The following GOLM2 variants were observed in gnomAD, a reference collection of about 807,000 sequenced individuals.
GOLM2 encodes the protein golgi membrane protein 2.
GOLM2 carries 26 observed loss-of-function variants against 55.9 expected under a neutral mutation model. The observed-to-expected ratio is 0.47, with a 90% CI of 0.34 to 0.65. GOLM2 has a LOEUF of 0.65. Among genes scored for constraint, GOLM2 ranks in the 30% least tolerant of loss-of-function variants. GOLM2 has a pLI of 0.01. For missense variants in GOLM2, 486 were observed against 531.8 expected (o/e 0.91, Z 0.85); for synonymous variants, 165 against 194.6 (o/e 0.85, Z 1.27).
At chr15:44,329,069 T>G (rs908890590) in intron 3 of GOLM2, among the ~76,000 whole-genome samples, 6 of 152,196 alleles carry the variant, frequency 3.9e-5, no homozygotes, top group Non-Finnish European at 5.9e-5. Flanking sequence ...GCTCTGAGTT[T>G]TATTAGATGT....
intron 1 of GOLM2, among the ~76,000 whole-genome samples, chr15:44,316,788 C>T (rs1411018167): frequency 6.6e-6 from 1 of 151,672 alleles, no homozygotes; most frequent in Non-Finnish European, 1.5e-5. Context: ...GCTAAAAGAC[C>T]AGACTGGGCA....
chr15:44,373,224 G>A (rs533990394), intron 6 of GOLM2, among the ~76,000 whole-genome samples: 1 of 152,132 alleles, frequency 6.6e-6, no homozygotes, highest in East Asian at 1.9e-4. Flanking sequence ...TTGGGAGGCC[G>A]AGGCGGGCGA....
intron 6 of GOLM2, among the ~76,000 whole-genome samples, chr15:44,374,257 C>A (rs896540211): frequency 6.6e-6 from 1 of 152,040 alleles, no homozygotes; most frequent in African/African-American, 2.4e-5. Context: ...GTGATAAATA[C>A]ATTTTATTAT....
chr15:44,378,978 C>T (rs1029355130), intron 6 of GOLM2, among the ~76,000 whole-genome samples: 2 of 152,116 alleles, frequency 1.3e-5, no homozygotes, highest in Non-Finnish European at 2.9e-5. Flanking sequence ...AACTCCTGAC[C>T]TTGTGATCTG....
chr15:44,332,472 G>A (rs967456508), intron 4 of GOLM2, among the ~76,000 whole-genome samples: 4 of 151,572 alleles, frequency 2.6e-5, no homozygotes, highest in Admixed American at 6.6e-5. Flanking sequence ...CAGGAGAACC[G>A]CTTGAGCCTG....
At chr15:44,373,205 C>T (rs1457070426) in intron 6 of GOLM2, among the ~76,000 whole-genome samples, 1 of 152,156 alleles carries the variant, frequency 6.6e-6, no homozygotes, top group Non-Finnish European at 1.5e-5. Context: ...CGCCTGTAAT[C>T]CCAGCACTTT....
At chr15:44,328,901 T>A (rs1266821009) in intron 3 of GOLM2, 114 bp downstream of exon 3, 1 of 622,538 alleles carries the variant, frequency 1.6e-6, no homozygotes, top group African/African-American at 1.9e-5. Context: ...CTTCTTTCAT[T>A]TTGTTAAGCC....
At chr15:44,373,426 C>T (rs914686944) in intron 6 of GOLM2, among the ~76,000 whole-genome samples, 12 of 150,516 alleles carry the variant, frequency 8.0e-5, no homozygotes, top group African/African-American at 2.9e-4. Context: ...CACTGCACTC[C>T]AGCCTGGGCG....
rs181940940 is a variant in GOLM2 at position 44,366,095 on chromosome 15, C to T, written c.803-13595C>T. Reference sequence around the variant, plus strand: ...GGTGGATCACGAGGTCAGGAGATCGCGACCACCCTGGCTAACACAGTGAAA... The same window carrying T: ...GGTGGATCACGAGGTCAGGAGATCGTGACCACCCTGGCTAACACAGTGAAA... On this transcript the variant is annotated intron_variant, in intron 6 of 9. Transcript: ENST00000299957. 3.0e-3 allele frequency among the ~76,000 whole-genome samples: 458 copies of T among 151,684 alleles called. 9 individuals carry two copies. Among genetic ancestry groups the T allele is most frequent in the Admixed American group, 0.024 (361 of 15,216 alleles).
intron 6 of GOLM2, among the ~76,000 whole-genome samples, chr15:44,361,295 G>A (rs988683912): frequency 1.3e-5 from 2 of 152,062 alleles, no homozygotes; most frequent in Admixed American, 6.6e-5. Flanking sequence ...AAGCTAGACC[G>A]CTAGCAAGAC....
At chr15:44,335,579 C>T (rs1685696121) in intron 4 of GOLM2, among the ~76,000 whole-genome samples, 1 of 152,156 alleles carries the variant, frequency 6.6e-6, no homozygotes, top group African/African-American at 2.4e-5. Flanking sequence ...AGTGAAGATG[C>T]ACAGACATGC....
chr15:44,289,174 C>G lies in GOLM2; in HGVS notation c.145C>G (p.Leu49Val), dbSNP rs2141099918. 2 of 1,614,206 alleles carry G rather than the reference C, an allele frequency of 1.2e-6. No individual in the cohort carries two copies. The highest frequency in any genetic ancestry group is 1.7e-6 in the Non-Finnish European group (2 of 1,180,028). ...CCTGCTTCAGGAGGAGGTGGCCGAG[C>G]TGCAGGGCCAGGTCCAGCGCACCGA... Reference protein sequence around the residue: ...HVLLQEEVAELQGQVQRTEVA... With the variant: ...HVLLQEEVAEVQGQVQRTEVA... Residue 49 changes from leucine (L) to valine (V), a missense_variant, in exon 1 of 10, where the codon CTG becomes GTG. Physicochemically the swap from Leu to Val is conservative, Grantham distance 32 (BLOSUM62 1). Coordinates refer to ENST00000299957, the MANE Select transcript of GOLM2 (RefSeq NM_138423.4). This position sits in a 1 kb window ranked among gnomAD's most constrained non-coding sequence, Gnocchi z 4.8.
chr15:44,395,287 C>T (rs1595665880), intron 8 of GOLM2, among the ~76,000 whole-genome samples: 2 of 151,450 alleles, frequency 1.3e-5, no homozygotes, highest in East Asian at 3.9e-4. Flanking sequence ...GTATTACAAG[C>T]GTGAGCCACT....
chr15:44,322,821 AT>A (rs1165507334), intron 1 of GOLM2, 143 bp from the exon 2 acceptor site: 20 of 506,960 alleles, frequency 3.9e-5, no homozygotes, highest in South Asian at 9.0e-5. Context: ...ATTATTGCTG[AT>A]TTTTTTTGGA....
chr15:44,300,277 G>T (rs1301496428), intron 1 of GOLM2, among the ~76,000 whole-genome samples: 1 of 151,046 alleles, frequency 6.6e-6, no homozygotes, highest in East Asian at 1.9e-4. Context: ...AAGGAAGGAA[G>T]AAGTTTAGTC....
chr15:44,328,514 G>A (rs2078999752), intron 2 of GOLM2, among the ~76,000 whole-genome samples, 171 bp from the exon 3 acceptor site: 1 of 152,106 alleles, frequency 6.6e-6, no homozygotes, highest in Admixed American at 6.5e-5. Context: ...GACCATGAAT[G>A]TGTTACAAAA....
chr15:44,299,977 A>G (rs2078785974), intron 1 of GOLM2, among the ~76,000 whole-genome samples: 2 of 149,562 alleles, frequency 1.3e-5, no homozygotes, highest in African/African-American at 2.5e-5. Context: ...ACACATGCCC[A>G]TAGTCTTAAT....
intron 6 of GOLM2, among the ~76,000 whole-genome samples, chr15:44,378,838 C>T (rs2079382549): frequency 6.6e-6 from 1 of 151,146 alleles, no homozygotes; most frequent in African/African-American, 2.4e-5. Flanking sequence ...TTCCGCCTCC[C>T]AGATTCAAGT....
chr15:44,396,787 T>C (rs1468847511), intron 8 of GOLM2, among the ~76,000 whole-genome samples: 6 of 152,224 alleles, frequency 3.9e-5, no homozygotes, highest in Non-Finnish European at 7.3e-5. Flanking sequence ...TTATTACATA[T>C]TTAATAGACT....
Sources: gnomAD v4.1 joint callset for allele counts (sites outside exome capture counted in the v4.1 genomes callset) on GRCh38, gnomAD v4.1.1 for gene constraint, Gnocchi (gnomAD v3.1) non-coding constraint, MANE v1.5 for transcripts, NCBI Gene and HGNC (gene_info 2026-07-23, HGNC 2026-07-21) for gene names.